Variants in PCED1B observed in about 807,000 individuals in gnomAD.
PCED1B encodes the protein PC-esterase domain containing 1B.
For missense variants in PCED1B, 573 were observed against 573.9 expected (o/e 1.00, Z 0.02); for synonymous variants, 251 against 246.1 (o/e 1.02, Z -0.19).
intron 2 of PCED1B, among the ~76,000 whole-genome samples, chr12:47,137,489 C>T (rs1940421965): frequency 6.6e-6 from 1 of 152,066 alleles, no homozygotes; most frequent in African/African-American, 2.4e-5. Flanking sequence ...AATTTCTAAA[C>T]ATTTAGGGAA....
intron 3 of PCED1B, among the ~76,000 whole-genome samples, chr12:47,221,728 G>A (rs897427840): frequency 1.3e-5 from 2 of 152,138 alleles, no homozygotes; most frequent in African/African-American, 4.8e-5. Context: ...TTTACATTTA[G>A]GGAGACTGTT....
At chr12:47,192,173 G>GTT (rs60925090) in intron 2 of PCED1B, among the ~76,000 whole-genome samples, 27 of 124,908 alleles carry the variant, frequency 2.2e-4, no homozygotes, top group East Asian at 9.3e-4. Flanking sequence ...TTTTTTTTTT[G>GTT]TTTTTTTTTT....
intron 3 of PCED1B, among the ~76,000 whole-genome samples, chr12:47,222,174 C>G: frequency 6.8e-6 from 1 of 146,682 alleles, no homozygotes; most frequent in South Asian, 2.1e-4. Context: ...AATCCCAGCA[C>G]TTTGGGAGGC....
At chr12:47,138,798 G>A (rs1940483353) in intron 2 of PCED1B, among the ~76,000 whole-genome samples, 1 of 152,166 alleles carries the variant, frequency 6.6e-6, no homozygotes, top group Non-Finnish European at 1.5e-5. Flanking sequence ...TGACCCCCTA[G>A]CTAAGCCTTC....
intron 3 of PCED1B, among the ~76,000 whole-genome samples, chr12:47,221,677 AG>A (rs1943482634): frequency 5.3e-5 from 8 of 152,314 alleles, no homozygotes; most frequent in Admixed American, 2.6e-4. Context: ...TTGCCTGGTG[AG>A]AATGTGCTGC....
intron 2 of PCED1B, among the ~76,000 whole-genome samples, chr12:47,108,980 G>A (rs1344314848): frequency 6.6e-5 from 10 of 152,150 alleles, no homozygotes. Context: ...ACCACAGATG[G>A]AATTCTTTCA....
chr12:47,123,828 T>G (rs1378864512), intron 2 of PCED1B, among the ~76,000 whole-genome samples: 5 of 152,092 alleles, frequency 3.3e-5, no homozygotes, highest in Non-Finnish European at 5.9e-5. Context: ...CATTCAAATT[T>G]TCGTTGTAAC....
intron 2 of PCED1B, among the ~76,000 whole-genome samples, chr12:47,157,615 C>G (rs571578420): frequency 1.3e-5 from 2 of 152,184 alleles, no homozygotes; most frequent in South Asian, 4.1e-4. Flanking sequence ...AAATTTTTTT[C>G]TAATTTTTTT....
chr12:47,105,006 T>TA (rs1938882527), intron 2 of PCED1B, among the ~76,000 whole-genome samples: 1 of 152,194 alleles, frequency 6.6e-6, no homozygotes, highest in African/African-American at 2.4e-5. Context: ...AGGCAGACCT[T>TA]ACGCTCATGC....
chr12:47,225,498 A>G (rs1943607668), intron 3 of PCED1B, among the ~76,000 whole-genome samples: 1 of 152,226 alleles, frequency 6.6e-6, no homozygotes, highest in Admixed American at 6.5e-5. Context: ...AAAACTGTAT[A>G]TGGCATGTAA....
chr12:47,113,908 G>A (rs1016808386), intron 2 of PCED1B, among the ~76,000 whole-genome samples: 1 of 151,148 alleles, frequency 6.6e-6, no homozygotes, highest in Admixed American at 6.6e-5. Flanking sequence ...ACGAGATTGC[G>A]CCCCTGCACT....
At chr12:47,108,936 C>T (rs1483981116) in intron 2 of PCED1B, among the ~76,000 whole-genome samples, 6 of 152,136 alleles carry the variant, frequency 3.9e-5, no homozygotes, top group South Asian at 2.1e-4. Flanking sequence ...GGGCACACAC[C>T]AACTTTTGTT....
intron 1 of PCED1B, among the ~76,000 whole-genome samples, chr12:47,098,991 TTTAATTTGAG>T (rs1938592913): frequency 6.6e-6 from 1 of 152,168 alleles, no homozygotes; most frequent in Non-Finnish European, 1.5e-5. Context: ...AACTCCTGTT[TTTAATTTGAG>T]TTAATTTGAG....
intron 3 of PCED1B, among the ~76,000 whole-genome samples, chr12:47,232,242 C>T (rs1943830338): frequency 6.6e-6 from 1 of 152,294 alleles, no homozygotes; most frequent in South Asian, 2.1e-4. Flanking sequence ...CCTCCTGCCT[C>T]AGTCTTCCAA....
In PCED1B at chr12:47,175,825, G is replaced by A. The variant is rs11183775; in HGVS notation, c.-525-40397G>A. Among the ~76,000 whole-genome samples, 1,399 of 152,070 alleles carry A rather than the reference G, an allele frequency of 9.2e-3. 22 individuals are homozygous for A. Among genetic ancestry groups the A allele is most frequent in the African/African-American group, 0.031 (1,300 of 41,482 alleles). ...GACCTCAGGTGATCTGCCTGCCTCAGCCTCCCAAAGTCCTGGGTTTACAGG... is the reference window on the plus strand; with the variant it reads ...GACCTCAGGTGATCTGCCTGCCTCAACCTCCCAAAGTCCTGGGTTTACAGG... On this transcript the variant is annotated intron_variant, in intron 2 of 3. Transcript: ENST00000546455.
intron 3 of PCED1B, among the ~76,000 whole-genome samples, chr12:47,225,018 ACCTCCCAGGTTCAAATGATTCTCCTG>A (rs1353321422): frequency 4.6e-5 from 7 of 151,818 alleles, no homozygotes; most frequent in Non-Finnish European, 8.8e-5. Context: ...TGCAACCTCC[ACCTCCCAGGTTCAAATGATTCTCCTG>A]CCTCAGCCTC....
chr12:47,132,383 TA>T, intron 2 of PCED1B, among the ~76,000 whole-genome samples: 1 of 152,074 alleles, frequency 6.6e-6, no homozygotes, highest in Non-Finnish European at 1.5e-5. Flanking sequence ...AAATTAAAAG[TA>T]AGGTTCTAAT....
rs372093795 is a variant in PCED1B, at chr12:47,110,927, G to T, written c.-526+6732G>T. ...TAGCACCAGAGGTTTGAGCTCTTCA[G>T]TTCAAAAACCATATGCAGCATGAAA... On this transcript the variant is annotated intron_variant, in intron 2 of 3. Transcript: ENST00000546455. Among the ~76,000 whole-genome samples, 67 of 152,298 alleles carry T rather than the reference G, an allele frequency of 4.4e-4. 2 individuals are homozygous for T. Among genetic ancestry groups the T allele is most frequent in the South Asian group, 2.1e-3 (10 of 4,830 alleles).
At chr12:47,165,531 A>C (rs994255969) in intron 2 of PCED1B, among the ~76,000 whole-genome samples, 1 of 152,218 alleles carries the variant, frequency 6.6e-6, no homozygotes, top group Non-Finnish European at 1.5e-5. Flanking sequence ...CAGTTGTTTT[A>C]ATAATGTTTC....
Sources: allele counts gnomAD v4.1 joint callset (sites outside exome capture counted in the v4.1 genomes callset), GRCh38; gene constraint gnomAD v4.1.1; transcripts MANE v1.5; gene names NCBI Gene and HGNC (gene_info 2026-07-23, HGNC 2026-07-21).